LSAMP: variants seen among roughly 807,000 people sequenced by gnomAD.
The protein encoded by LSAMP is limbic system-associated membrane protein.
Under a neutral mutation model 38.6 loss-of-function variants are expected in LSAMP, and 7 were observed. The observed-to-expected ratio is 0.18, with a 90% confidence interval of 0.10 to 0.34. The LOEUF is 0.34. Among genes scored for constraint, LSAMP ranks in the 10% least tolerant of loss-of-function variants. The probability of loss-of-function intolerance (pLI) is 1.00; values close to 1 mark genes in which losing one functional copy is unlikely to be tolerated. For missense variants in LSAMP, 313 were observed against 420.0 expected (o/e 0.75, Z 2.23); for synonymous variants, 154 against 166.8 (o/e 0.92, Z 0.59).
intron 1 of LSAMP, among the ~76,000 whole-genome samples, chr3:116,386,859 G>C (rs1369211680): frequency 6.6e-6 from 1 of 152,126 alleles, no homozygotes; most frequent in Non-Finnish European, 1.5e-5. Flanking sequence ...ATTTAAACTG[G>C]ATCTTGAAGG....
chr3:116,288,049 A>C (rs2047216002), intron 1 of LSAMP, among the ~76,000 whole-genome samples: 1 of 152,242 alleles, frequency 6.6e-6, no homozygotes, highest in Non-Finnish European at 1.5e-5. Flanking sequence ...AGATACTATG[A>C]CCATATCAAA....
intron 3 of LSAMP, among the ~76,000 whole-genome samples, chr3:115,895,994 T>C (rs947853458): frequency 1.3e-5 from 2 of 152,122 alleles, no homozygotes; most frequent in South Asian, 4.1e-4. Flanking sequence ...TTGATACCAT[T>C]AAAATTAACT....
chr3:116,046,060 A>C (rs1489326890), intron 2 of LSAMP, among the ~76,000 whole-genome samples: 1 of 152,226 alleles, frequency 6.6e-6, no homozygotes, highest in Admixed American at 6.5e-5. Flanking sequence ...CTATGAGCTA[A>C]AGTAGGCATG....
chr3:116,310,790 A>C (rs1273188371), intron 1 of LSAMP, among the ~76,000 whole-genome samples: 1 of 152,192 alleles, frequency 6.6e-6, no homozygotes, highest in African/African-American at 2.4e-5. Context: ...CATACTTGGA[A>C]AAATTTGGGT....
At chr3:116,424,132 C>A (rs2049163302) in intron 1 of LSAMP, among the ~76,000 whole-genome samples, 1 of 152,228 alleles carries the variant, frequency 6.6e-6, no homozygotes, top group Non-Finnish European at 1.5e-5. Context: ...AAAGTCTGAG[C>A]TTTATTTCCA....
chr3:116,246,280 G>A (rs1331776272), intron 1 of LSAMP, among the ~76,000 whole-genome samples: 1 of 152,000 alleles, frequency 6.6e-6, no homozygotes. Flanking sequence ...ATTCCTGAAT[G>A]CAATCTTCTG....
intron 1 of LSAMP, among the ~76,000 whole-genome samples, chr3:116,430,705 A>G (rs977878736): frequency 6.6e-6 from 1 of 152,116 alleles, no homozygotes; most frequent in East Asian, 1.9e-4. Flanking sequence ...TTATTTTATA[A>G]AGAACCAGAG....
intron 3 of LSAMP, among the ~76,000 whole-genome samples, chr3:115,912,573 A>G (rs927955588): frequency 2.0e-4 from 31 of 152,216 alleles, no homozygotes; most frequent in Non-Finnish European, 1.6e-4. Flanking sequence ...GGCAAGGGAT[A>G]CTGTGTTGCG....
intron 1 of LSAMP, among the ~76,000 whole-genome samples, chr3:116,384,050 C>G (rs1052260822): frequency 6.6e-6 from 1 of 152,070 alleles, no homozygotes; most frequent in Non-Finnish European, 1.5e-5. Context: ...CAAGTACATG[C>G]TCATTTCACT....
chr3:115,970,612 A>T (rs1352253084), intron 3 of LSAMP, among the ~76,000 whole-genome samples: 2 of 152,184 alleles, frequency 1.3e-5, no homozygotes, highest in African/African-American at 4.8e-5. Flanking sequence ...GGTCAGAACG[A>T]AGAAGTTCTT....
intron 1 of LSAMP, among the ~76,000 whole-genome samples, chr3:116,399,592 G>A (rs1368620736): frequency 6.6e-6 from 1 of 152,104 alleles, no homozygotes; most frequent in Non-Finnish European, 1.5e-5. Flanking sequence ...TTGACTGATG[G>A]GATCACAGAG....
Position 116,423,363 on chromosome 3 carries a change from C to G in LSAMP, c.155+21514G>C, listed in dbSNP as rs114719082. On this transcript the variant is annotated intron_variant, in intron 1 of 6. Coordinates refer to ENST00000490035, the MANE Select transcript of LSAMP (RefSeq NM_002338.5). Reference sequence around the variant, plus strand: ...CTGAGCACAGCCAACATCCACCTCTCTTTTTCTTTAACCATCCCATTAACA... The same window carrying G: ...CTGAGCACAGCCAACATCCACCTCTGTTTTTCTTTAACCATCCCATTAACA... Among the ~76,000 whole-genome samples, 595 of 152,294 alleles carry G rather than the reference C, an allele frequency of 3.9e-3. 4 individuals are homozygous for G. In the Middle Eastern group the frequency reaches 0.041, roughly 10 times the overall value.
intron 2 of LSAMP, among the ~76,000 whole-genome samples, chr3:116,069,075 A>G (rs1707532611): frequency 6.6e-6 from 1 of 152,174 alleles, no homozygotes; most frequent in African/African-American, 2.4e-5. Flanking sequence ...CTCTGCATAA[A>G]ACCTTCAGTC....
At chr3:116,014,690 T>C (rs1940427489) in intron 3 of LSAMP, among the ~76,000 whole-genome samples, 1 of 152,164 alleles carries the variant, frequency 6.6e-6, no homozygotes, top group Admixed American at 6.5e-5. Flanking sequence ...AGAGAAATAA[T>C]TTCCTGAAAC....
chr3:116,392,755 A>ACT (rs2048720762), intron 1 of LSAMP, among the ~76,000 whole-genome samples: 1 of 152,128 alleles, frequency 6.6e-6, no homozygotes, highest in Non-Finnish European at 1.5e-5. Context: ...CCATGGACCA[A>ACT]TCAGCATACA....
At chr3:116,117,389 G>A (rs1038744827) in intron 1 of LSAMP, among the ~76,000 whole-genome samples, 1 of 152,110 alleles carries the variant, frequency 6.6e-6, no homozygotes, top group African/African-American at 2.4e-5. Context: ...ACTACTAGCA[G>A]CACAGGGTTC....
chr3:116,266,412 G>C (rs921480984), intron 1 of LSAMP, among the ~76,000 whole-genome samples: 8 of 152,126 alleles, frequency 5.3e-5, no homozygotes, highest in Non-Finnish European at 1.2e-4. Context: ...GGGCAGAAAG[G>C]TCAAGTAACA....
chr3:116,101,485 T>C (rs1162799719), intron 1 of LSAMP, among the ~76,000 whole-genome samples: 4 of 152,216 alleles, frequency 2.6e-5, no homozygotes, highest in Non-Finnish European at 5.9e-5. Context: ...ATACATATAA[T>C]GTATAGTGAT....
chr3:116,425,627 C>A (rs1329344767), intron 1 of LSAMP, among the ~76,000 whole-genome samples: 2 of 152,096 alleles, frequency 1.3e-5, no homozygotes, highest in Non-Finnish European at 2.9e-5. Context: ...CTCCTGTAAT[C>A]TCTAACCGTC....
Sources: gnomAD v4.1 joint callset for allele counts (sites outside exome capture counted in the v4.1 genomes callset) on GRCh38, gnomAD v4.1.1 for gene constraint, MANE v1.5 for transcripts, NCBI Gene and HGNC (gene_info 2026-07-23, HGNC 2026-07-21) for gene names.